CCSER1: variants seen among roughly 807,000 people sequenced by gnomAD.
The protein encoded by CCSER1 is coiled-coil serine rich protein 1.
Under a neutral mutation model 82.0 loss-of-function variants are expected in CCSER1, and 41 were observed. The observed-to-expected ratio is 0.50, with a 90% confidence interval of 0.39 to 0.65. The LOEUF (loss-of-function observed/expected upper bound fraction) is 0.65, where lower values mean the gene tolerates loss of function less well. CCSER1 is among the 30% of genes least tolerant of loss of function. CCSER1 has a pLI of 0.00. For synonymous variants in CCSER1, 414 were observed against 383.9 expected (o/e 1.08, Z -0.92); for missense variants, 1,119 against 1,064.2 (o/e 1.05, Z -0.72).
chr4:91,035,399 G>C (rs1741350673), intron 9 of CCSER1, among the ~76,000 whole-genome samples: 1 of 152,234 alleles, frequency 6.6e-6, no homozygotes, highest in South Asian at 2.1e-4. Flanking sequence ...GTATCTTAAT[G>C]TGGTGAACAG....
chr4:90,842,729 A>G (rs1235435000), intron 8 of CCSER1, among the ~76,000 whole-genome samples: 1 of 152,200 alleles, frequency 6.6e-6, no homozygotes, highest in African/African-American at 2.4e-5. Context: ...GTTCACTGGT[A>G]AGGTATAGGC....
intron 8 of CCSER1, among the ~76,000 whole-genome samples, chr4:90,900,674 T>C (rs1167606372): frequency 6.6e-6 from 1 of 152,022 alleles, no homozygotes; most frequent in Non-Finnish European, 1.5e-5. Flanking sequence ...GATATGACTT[T>C]GATTTCTTTG....
chr4:90,271,851 TATATATATA>T (rs1726470378), intron 1 of CCSER1, among the ~76,000 whole-genome samples: 2 of 27,972 alleles, frequency 7.2e-5, no homozygotes, highest in African/African-American at 3.6e-4. Context: ...TATATATATA[TATATATATA>T]TATTTTTTTT....
At chr4:90,704,006 T>A (rs183706088) in intron 6 of CCSER1, among the ~76,000 whole-genome samples, 52 of 152,316 alleles carry the variant, frequency 3.4e-4, no homozygotes, top group Non-Finnish European at 1.5e-5. Context: ...GTGAATTTGA[T>A]CCTGTCTTTA....
At chr4:90,375,075 A>C (rs1045940060) in intron 3 of CCSER1, among the ~76,000 whole-genome samples, 1 of 152,194 alleles carries the variant, frequency 6.6e-6, no homozygotes, top group African/African-American at 2.4e-5. Context: ...CTGTCAACAG[A>C]AAAGGATCTT....
chr4:91,461,792 A>G (rs1248214589), intron 10 of CCSER1, among the ~76,000 whole-genome samples: 1 of 152,184 alleles, frequency 6.6e-6, no homozygotes, highest in East Asian at 1.9e-4. Context: ...CTCAGTAACT[A>G]TTTTTGTACA....
At chr4:91,090,314 T>C (rs556216664) in intron 10 of CCSER1, among the ~76,000 whole-genome samples, 3 of 152,310 alleles carry the variant, frequency 2.0e-5, no homozygotes, top group East Asian at 3.9e-4. Flanking sequence ...ATAGGCTCTA[T>C]GTCCACATAT....
At chr4:91,266,338 C>T (rs1417426257) in intron 10 of CCSER1, among the ~76,000 whole-genome samples, 5 of 151,822 alleles carry the variant, frequency 3.3e-5, no homozygotes, top group Admixed American at 6.6e-5. Flanking sequence ...CTGCAAGCTC[C>T]GCCTCCTGGG....
intron 10 of CCSER1, among the ~76,000 whole-genome samples, chr4:91,417,947 A>C (rs1753464471): frequency 6.6e-6 from 1 of 152,172 alleles, no homozygotes; most frequent in Non-Finnish European, 1.5e-5. Flanking sequence ...AATCATATCA[A>C]GTATCTTTTC....
intron 1 of CCSER1, among the ~76,000 whole-genome samples, chr4:90,252,910 G>C (rs1722655703): frequency 6.6e-6 from 1 of 151,628 alleles, no homozygotes; most frequent in Admixed American, 6.6e-5. Context: ...TTATGGTATA[G>C]TTTTACTTTC....
chr4:90,874,658 T>C (rs764192539), intron 8 of CCSER1, among the ~76,000 whole-genome samples: 1 of 152,204 alleles, frequency 6.6e-6, no homozygotes, highest in Non-Finnish European at 1.5e-5. Flanking sequence ...ACTTTTGTAT[T>C]CATAAGTTGA....
At chr4:90,436,002 G>A (rs1758947698) in intron 4 of CCSER1, among the ~76,000 whole-genome samples, 1 of 151,748 alleles carries the variant, frequency 6.6e-6, no homozygotes, top group Non-Finnish European at 1.5e-5. Context: ...GGCGTATAAT[G>A]TTCCCAACTT....
intron 10 of CCSER1, among the ~76,000 whole-genome samples, chr4:91,225,255 C>T (rs1738059995): frequency 7.6e-6 from 1 of 131,740 alleles, no homozygotes. Context: ...TATACATATA[C>T]ATGTATATAA....
chr4:91,144,002 A>G (rs1729297994), intron 10 of CCSER1, among the ~76,000 whole-genome samples: 1 of 152,060 alleles, frequency 6.6e-6, no homozygotes, highest in African/African-American at 2.4e-5. Flanking sequence ...AATGTGTTAG[A>G]GATAAGTCCC....
intron 10 of CCSER1, among the ~76,000 whole-genome samples, chr4:91,479,661 A>G (rs2110038602): frequency 1.3e-5 from 2 of 151,202 alleles, no homozygotes; most frequent in South Asian, 4.2e-4. Context: ...GAATTGGTAC[A>G]ACATTTATGG....
chr4:91,071,474 A>G (rs1437901093), intron 9 of CCSER1, among the ~76,000 whole-genome samples: 1 of 152,182 alleles, frequency 6.6e-6, no homozygotes, highest in Non-Finnish European at 1.5e-5. Flanking sequence ...CATCTAGTCC[A>G]AAGGCCTATG....
chr4:90,282,456 ATATAT>A (rs1017655580), intron 1 of CCSER1, among the ~76,000 whole-genome samples: 34 of 150,924 alleles, frequency 2.3e-4, no homozygotes, highest in Non-Finnish European at 4.0e-4. Flanking sequence ...ATATGTATAC[ATATAT>A]TATTGTTATT....
chr4:91,395,039 CT>C (rs1394002432), intron 10 of CCSER1, among the ~76,000 whole-genome samples: 1 of 151,928 alleles, frequency 6.6e-6, no homozygotes, highest in Non-Finnish European at 1.5e-5. Flanking sequence ...TATTCTTGAT[CT>C]TGTGATTAAG....
At chr4:90,967,087 C>T (rs924549959) in intron 9 of CCSER1, among the ~76,000 whole-genome samples, 1 of 152,028 alleles carries the variant, frequency 6.6e-6, no homozygotes, top group South Asian at 2.1e-4. Context: ...GAATCCAAAA[C>T]TAAACCCTAA....
Sources: allele counts gnomAD v4.1 joint callset (sites outside exome capture counted in the v4.1 genomes callset), GRCh38; gene constraint gnomAD v4.1.1; transcripts MANE v1.5; gene names NCBI Gene and HGNC (gene_info 2026-07-23, HGNC 2026-07-21).